NR2C2: variants seen among roughly 807,000 people sequenced by gnomAD.
NR2C2 encodes Nuclear hormone receptor TR4.
Under a neutral mutation model 62.9 loss-of-function variants are expected in NR2C2, and 6 were observed. The ratio of observed to expected loss-of-function variants is 0.10; its 90% CI spans 0.05 to 0.19. The LOEUF is 0.19. Among genes scored for constraint, NR2C2 ranks in the 10% least tolerant of loss-of-function variants. The pLI is 1.00. For synonymous variants in NR2C2, 272 were observed against 273.8 expected (o/e 0.99, Z 0.07); for missense variants, 479 against 762.7 (o/e 0.63, Z 4.38).
intron 1 of NR2C2, among the ~76,000 whole-genome samples, chr3:14,976,602 C>CTTTTTTTTTTTT (rs533538010): frequency 8.5e-4 from 77 of 90,716 alleles, no homozygotes; most frequent in African/African-American, 2.1e-3. Flanking sequence ...TCCTTCCTTC[C>CTTTTTTTTTTTT]TTTTTTTTTT....
intron 1 of NR2C2, among the ~76,000 whole-genome samples, chr3:14,970,175 G>C (rs1051033261): frequency 7.4e-6 from 1 of 134,680 alleles, no homozygotes; most frequent in African/African-American, 2.8e-5. Flanking sequence ...ATTTCTTCTG[G>C]TATTTAACTT....
chr3:15,026,524 C>T (rs2041825912), intron 7 of NR2C2: 1 of 152,144 alleles, frequency 6.6e-6, no homozygotes, highest in South Asian at 2.1e-4. Flanking sequence ...CCCTACCAAC[C>T]ACTAATCTGC....
intron 1 of NR2C2, among the ~76,000 whole-genome samples, chr3:14,995,493 G>A (rs547097609): frequency 2.6e-5 from 4 of 152,072 alleles, no homozygotes; most frequent in Non-Finnish European, 5.9e-5. Context: ...GCTTATCCAT[G>A]TTGTAGCATG....
chr3:14,991,253 G>A (rs2040662013), intron 1 of NR2C2, among the ~76,000 whole-genome samples: 1 of 152,196 alleles, frequency 6.6e-6, no homozygotes, highest in Non-Finnish European at 1.5e-5. Context: ...ATCAAGAGAA[G>A]TAGTTCTTTA....
intron 4 of NR2C2, among the ~76,000 whole-genome samples, chr3:15,019,532 C>T (rs1466584516): frequency 1.3e-5 from 2 of 152,056 alleles, no homozygotes; most frequent in African/African-American, 2.4e-5. Flanking sequence ...TATCCAACAG[C>T]GGATGAATGG....
rs1239366276 is a variant in NR2C2 at position 15,044,492 on chromosome 3, C to T, written c.*1484C>T. On this transcript the variant is annotated 3_prime_UTR_variant, in exon 14 of 14. Coordinates refer to ENST00000425241, the MANE Select transcript of NR2C2 (RefSeq NM_001291694.2). The stretch of plus-strand genomic sequence containing the variant: ...GAAGTTATGTCTAACTTCAAACACC[C>T]GTAAATTCCCACGGATGTGAATATA... 1.3e-5 allele frequency: 2 copies of T among 152,160 alleles called. No individual in the cohort carries two copies. The highest frequency in any genetic ancestry group is 1.9e-4 in the East Asian group (1 of 5,202). The allele number at this position is 152,160 out of a possible 1,614,324, so 9.4% of individuals were successfully genotyped here. A position where few individuals can be genotyped will look rare whatever the true frequency, so the allele number is the denominator to read the frequency against.
chr3:15,001,005 AG>A (rs1340038963), intron 1 of NR2C2, among the ~76,000 whole-genome samples: 1 of 151,650 alleles, frequency 6.6e-6, no homozygotes, highest in Non-Finnish European at 1.5e-5. Context: ...TAGTAGAGAC[AG>A]GGTTTCACTG....
At chr3:14,972,659 A>G (rs2040077510) in intron 1 of NR2C2, among the ~76,000 whole-genome samples, 1 of 152,176 alleles carries the variant, frequency 6.6e-6, no homozygotes, top group South Asian at 2.1e-4. Context: ...GCTATAAAGG[A>G]ATACCTGAGG....
At chr3:14,999,885 A>G (rs1016208773) in intron 1 of NR2C2, among the ~76,000 whole-genome samples, 23 of 152,154 alleles carry the variant, frequency 1.5e-4, no homozygotes, top group African/African-American at 5.3e-4. Context: ...CGGTACTGCA[A>G]TTTTTTTAAG....
intron 7 of NR2C2, among the ~76,000 whole-genome samples, 178 bp from the exon 8 acceptor site, chr3:15,028,408 C>T (rs866341861): frequency 2.0e-5 from 3 of 152,144 alleles, no homozygotes; most frequent in Non-Finnish European, 2.9e-5. Flanking sequence ...GTGTAAATAC[C>T]ACCACACCAA....
rs199792577 is a variant in NR2C2, at chr3:15,039,104, G to C, written c.1511-18G>C. 4.5e-6 allele frequency: 7 copies of C among 1,572,742 alleles called. No individual in the cohort carries two copies. In the South Asian group the frequency reaches 5.5e-5, roughly 12 times the overall value. ...CAAATACAGAGGGAACTGGGGGGGG[G>C]TACTTTTCTGTTTTCAGATCATCCA... On this transcript the variant is annotated intron_variant, in intron 12 of 13. Transcript: ENST00000425241.
intron 1 of NR2C2, among the ~76,000 whole-genome samples, chr3:14,993,433 G>A (rs974685631): frequency 6.0e-5 from 9 of 149,790 alleles, no homozygotes; most frequent in African/African-American, 2.0e-4. Context: ...CAGCCTGGGC[G>A]ACAGGAGCAA....
intron 7 of NR2C2, among the ~76,000 whole-genome samples, chr3:15,024,951 A>C (rs551846386): frequency 1.3e-5 from 2 of 152,340 alleles, no homozygotes; most frequent in African/African-American, 4.8e-5. Context: ...TCAGGGCATT[A>C]CAGGGCATCC....
intron 1 of NR2C2, among the ~76,000 whole-genome samples, chr3:14,992,019 A>G (rs1158580217): frequency 6.6e-6 from 1 of 151,304 alleles, no homozygotes; most frequent in Non-Finnish European, 1.5e-5. Context: ...TGATCTTCCT[A>G]CCTCGCCCTC....
chr3:14,972,198 A>G (rs1267843100), intron 1 of NR2C2, among the ~76,000 whole-genome samples: 2 of 115,244 alleles, frequency 1.7e-5, no homozygotes, highest in Admixed American at 9.8e-5. Context: ...TTTCTGAGAC[A>G]GTGTCTCATT....
intron 7 of NR2C2, among the ~76,000 whole-genome samples, chr3:15,027,844 T>A (rs1379283665): frequency 3.3e-5 from 5 of 151,826 alleles, no homozygotes; most frequent in Admixed American, 6.6e-5. Flanking sequence ...GGGATCCTTC[T>A]GCTTTGCCCT....
In NR2C2 at chr3:14,947,818, G is replaced by C. The variant is rs1183522615; in HGVS notation, c.-128G>C. 4.7e-5 allele frequency: 7 copies of C among 148,346 alleles called. No individual in the cohort carries two copies. In the East Asian group the frequency reaches 1.2e-3, roughly 26 times the overall value. The allele number at this position is 148,346 out of a possible 1,614,324, so 9.2% of individuals were successfully genotyped here. ...CGCCATCCGCCGACACCGGGAGCCC[G>C]GGCTCCCCGCGCCCTGCCCTCCGCG... On this transcript the variant is annotated 5_prime_UTR_variant, in exon 1 of 14. Transcript: ENST00000425241.
intron 8 of NR2C2, among the ~76,000 whole-genome samples, chr3:15,029,559 AC>A (rs1384854746): frequency 6.6e-6 from 1 of 152,188 alleles, no homozygotes; most frequent in Non-Finnish European, 1.5e-5. Context: ...TCTACCACTT[AC>A]TATATGGATG....
chr3:15,022,279 G>A (rs148724336), intron 5 of NR2C2, among the ~76,000 whole-genome samples: 157 of 152,186 alleles, frequency 1.0e-3, no homozygotes, highest in African/African-American at 3.6e-3. Flanking sequence ...TAAACAGTTT[G>A]CAGAAGCTAT....
Sources: gnomAD v4.1 joint callset for allele counts (sites outside exome capture counted in the v4.1 genomes callset) on GRCh38, gnomAD v4.1.1 for gene constraint, MANE v1.5 for transcripts, NCBI Gene and HGNC (gene_info 2026-07-23, HGNC 2026-07-21) for gene names.